Variants in CEP57L1 observed in about 807,000 individuals in gnomAD.
CEP57L1 encodes centrosomal protein CEP57L1.
CEP57L1 carries 37 observed loss-of-function variants against 61.0 expected under a neutral mutation model. That is an observed-to-expected ratio of 0.61 (90% confidence interval 0.47 to 0.80). The LOEUF (loss-of-function observed/expected upper bound fraction) is 0.80, where lower values mean the gene tolerates loss of function less well. Among genes scored for constraint, CEP57L1 ranks in the 30% least tolerant of loss-of-function variants. The probability of loss-of-function intolerance (pLI) is 0.00; values close to 1 mark genes in which losing one functional copy is unlikely to be tolerated. For missense variants in CEP57L1, 422 were observed against 524.7 expected, an observed-to-expected ratio of 0.80 and a Z score of 1.91; for synonymous variants, 137 against 162.3, an observed-to-expected ratio of 0.84 and a Z score of 1.19.
In CEP57L1 at chr6:109,172,227, C is replaced by T. The variant is rs1774437937; in HGVS notation, c.*9257C>T. On this transcript the variant is annotated 3_prime_UTR_variant, in exon 11 of 11. Transcript: ENST00000517392. The stretch of plus-strand genomic sequence containing the variant: ...TTCTCTCAGCAACAATGTGTGACAA[C>T]ATTCTTGGAGAATTGCTAACCAGGG... Among the ~76,000 whole-genome samples, 1 of 152,138 alleles carries T rather than the reference C, an allele frequency of 6.6e-6. No individual in the cohort carries two copies. Among genetic ancestry groups the T allele is most frequent in the Non-Finnish European group, 1.5e-5 (1 of 68,028 alleles).
Position 109,172,470 on chromosome 6 carries a change from G to A in CEP57L1, c.*9500G>A, listed in dbSNP as rs1162846284. 6.6e-6 allele frequency among the ~76,000 whole-genome samples: 1 copy of A among 152,162 alleles called. No individual in the cohort carries two copies. The highest frequency in any genetic ancestry group is 6.5e-5 in the Admixed American group (1 of 15,276). ...AAGTAAATTAAAACATTCATATCAG[G>A]CAGGATAGTCCAAGGACTTAGAGGT... On this transcript the variant is annotated 3_prime_UTR_variant, in exon 11 of 11. Coordinates refer to ENST00000517392, the MANE Select transcript of CEP57L1 (RefSeq NM_001271852.3).
rs1208376164 is a variant in CEP57L1 at position 109,166,790 on chromosome 6, A to G, written c.*3820A>G. ...GGAAGAGGCCAGTTGGTTATGCACA[A>G]TGGAAGGAGTGCATTGTGGACAGAA... On this transcript the variant is annotated 3_prime_UTR_variant, in exon 11 of 11. Transcript: ENST00000517392. Among the ~76,000 whole-genome samples the G allele has an allele frequency of 6.6e-6, 1 of 152,214 alleles. No homozygotes were observed. The highest frequency in any genetic ancestry group is 2.4e-5 in the African/African-American group (1 of 41,452).
intron 1 of CEP57L1, among the ~76,000 whole-genome samples, chr6:109,128,129 C>CT (rs1212746607): frequency 1.3e-5 from 2 of 152,122 alleles, no homozygotes; most frequent in Non-Finnish European, 2.9e-5. Context: ...TAGATCTAGC[C>CT]TAAATGCTCA....
intron 1 of CEP57L1, among the ~76,000 whole-genome samples, chr6:109,114,339 T>C (rs1472058662): frequency 6.6e-6 from 1 of 152,178 alleles, no homozygotes; most frequent in Non-Finnish European, 1.5e-5. Flanking sequence ...TATATATCTG[T>C]TGGCCATTTG....
At chr6:109,116,164 GTTAT>G (rs1772275372) in intron 1 of CEP57L1, among the ~76,000 whole-genome samples, 1 of 151,120 alleles carries the variant, frequency 6.6e-6, no homozygotes, top group Middle Eastern at 3.2e-3. Context: ...GTTATGTTAT[GTTAT>G]GTTATGTTAT....
At chr6:109,148,704 A>G (rs1772246754) in intron 3 of CEP57L1, among the ~76,000 whole-genome samples, 1 of 152,156 alleles carries the variant, frequency 6.6e-6, no homozygotes, top group South Asian at 2.1e-4. Context: ...ACTGACTTCC[A>G]CAATGGTTGA....
chr6:109,148,387 C>T (rs1002679431), intron 3 of CEP57L1, among the ~76,000 whole-genome samples: 204 of 151,912 alleles, frequency 1.3e-3, no homozygotes, highest in African/African-American at 4.6e-3. Context: ...TTTGTCCTTG[C>T]GATAGTTTAC....
chr6:109,170,355 A>G lies in CEP57L1; in HGVS notation c.*7385A>G, dbSNP rs1774343894. 1.3e-5 allele frequency among the ~76,000 whole-genome samples: 2 copies of G among 152,166 alleles called. No individual in the cohort carries two copies. The highest frequency in any genetic ancestry group is 1.3e-4 in the Admixed American group (2 of 15,276). On this transcript the variant is annotated 3_prime_UTR_variant, in exon 11 of 11. Transcript: ENST00000517392. ...CAACCTGACTTGGCTTAATGTAGTT[A>G]AGTAAATTTTAGGATAGGTTCTAAA...
chr6:109,098,243 G>A (rs1781950577), intron 1 of CEP57L1, among the ~76,000 whole-genome samples: 1 of 152,092 alleles, frequency 6.6e-6, no homozygotes, highest in South Asian at 2.1e-4. Flanking sequence ...CACCTCCCAA[G>A]TTTAAGTGAT....
At position 109,153,838 on chromosome 6, in the gene CEP57L1, G is replaced by A; in HGVS notation, c.468G>A (p.Gln156=). Reference sequence around the variant, plus strand: ...TTTATTTTTATCCTTTCTAGGCCCAGCTTCAGAGGGAAAAAGAACAAGATC... The same window carrying A: ...TTTATTTTTATCCTTTCTAGGCCCAACTTCAGAGGGAAAAAGAACAAGATC... ...EKNMILEQQA[Q]LQREKEQDQM... Residue 156 remains glutamine (Q), a synonymous_variant, in exon 5 of 11, where the codon CAG becomes CAA. Coordinates refer to ENST00000517392, the MANE Select transcript of CEP57L1 (RefSeq NM_001271852.3). 1.2e-6 allele frequency: 2 copies of A among 1,606,200 alleles called. No individual in the cohort carries two copies. The highest frequency in any genetic ancestry group is 1.7e-6 in the Non-Finnish European group (2 of 1,175,062).
rs138677560 is a variant in CEP57L1 at position 109,107,370 on chromosome 6, TTTCTC to T, written c.-4+11798_-4+11802del. 8.3e-3 allele frequency among the ~76,000 whole-genome samples: 1,258 copies of T among 152,260 alleles called. 23 individuals are homozygous for T. Among genetic ancestry groups the T allele is most frequent in the African/African-American group, 0.029 (1,208 of 41,550 alleles). ...TTTTGTGTGTAGGTTAGAGGAGAGTTTTCTCTTTCATATTAATCAGAACTTTTTAT... is the reference window on the plus strand; with the variant it reads ...TTTTGTGTGTAGGTTAGAGGAGAGTTTTTCATATTAATCAGAACTTTTTAT... On this transcript the variant is annotated intron_variant, in intron 1 of 10. Transcript: ENST00000517392.
chr6:109,163,083 T>A lies in CEP57L1; in HGVS notation c.*113T>A, dbSNP rs1773866160. 3 of 708,034 alleles carry A rather than the reference T, an allele frequency of 4.2e-6. No individual in the cohort carries two copies. The highest frequency in any genetic ancestry group is 6.0e-5 in the Admixed American group (2 of 33,282). The allele number at this position is 708,034 out of a possible 1,614,324, so 43.9% of individuals were successfully genotyped here. A position where few individuals can be genotyped will look rare whatever the true frequency, so the allele number is the denominator to read the frequency against. ...CATTTTGAATCATGTTTCTAGTTTC[T>A]ATAAAACATGAAGTTGCAGTATTTA... On this transcript the variant is annotated 3_prime_UTR_variant, in exon 11 of 11. Transcript: ENST00000517392.
chr6:109,116,454 G>C (rs989738959), intron 1 of CEP57L1, among the ~76,000 whole-genome samples: 2 of 152,192 alleles, frequency 1.3e-5, no homozygotes, highest in African/African-American at 4.8e-5. Context: ...TGGATTAAAG[G>C]AGTGAGCCAC....
chr6:109,108,933 A>G (rs1771248044), intron 1 of CEP57L1, among the ~76,000 whole-genome samples: 1 of 152,186 alleles, frequency 6.6e-6, no homozygotes, highest in Admixed American at 6.5e-5. Flanking sequence ...CAGACTGATT[A>G]TTTACTAAAT....
In CEP57L1 at chr6:109,150,209, G is replaced by T. The variant is rs765601953; in HGVS notation, c.432G>T (p.Glu144Asp). Residue 144 changes from glutamate (E) to aspartate (D), a missense_variant, in exon 4 of 11, where the codon GAG becomes GAT. Glu to Asp is a conservative substitution (Grantham distance 45). Transcript: ENST00000517392. ...EYTKRMVLNV[E>D]REKNMILEQQ... ...CAAAGAGAATGGTTCTCAACGTAGA[G>T]CGAGAAAAGAACATGATCCTAGAAC... is the stretch of plus-strand genomic sequence containing the variant. 1 of 1,605,076 alleles carries T rather than the reference G, an allele frequency of 6.2e-7. No individual in the cohort carries two copies. The highest frequency in any genetic ancestry group is 8.5e-7 in the Non-Finnish European group (1 of 1,172,338).
At chr6:109,158,994 T>C (rs956701069) in intron 7 of CEP57L1, 31 bp from the exon 8 acceptor site, 2 of 1,580,256 alleles carry the variant, frequency 1.3e-6, no homozygotes, top group African/African-American at 2.7e-5. Context: ...AAATAATTTC[T>C]TGTTTACGTT....
chr6:109,170,403 G>T lies in CEP57L1; in HGVS notation c.*7433G>T, dbSNP rs1237132031. Among the ~76,000 whole-genome samples, 1 of 152,080 alleles carries T rather than the reference G, an allele frequency of 6.6e-6. No individual in the cohort carries two copies. The highest frequency in any genetic ancestry group is 1.9e-4 in the East Asian group (1 of 5,190). On this transcript the variant is annotated 3_prime_UTR_variant, in exon 11 of 11. Coordinates refer to ENST00000517392, the MANE Select transcript of CEP57L1 (RefSeq NM_001271852.3). ...AAAAAACCTTGAGAGGCATTTTGTT[G>T]TTGTTGTTGTTGTTGTTAGTTTGCC...
intron 3 of CEP57L1, among the ~76,000 whole-genome samples, chr6:109,148,205 T>A (rs1772177143): frequency 6.6e-6 from 1 of 152,096 alleles, no homozygotes; most frequent in Non-Finnish European, 1.5e-5. Flanking sequence ...GCCATGCTGG[T>A]GTGCTGCACC....
chr6:109,109,697 ACCCCG>A (rs1771352237), intron 1 of CEP57L1, among the ~76,000 whole-genome samples: 2 of 152,010 alleles, frequency 1.3e-5, no homozygotes, highest in Non-Finnish European at 2.9e-5. Context: ...CTAGCACCAA[ACCCCG>A]TGACAGGCCC....
Sources: gnomAD v4.1 joint callset for allele counts (sites outside exome capture counted in the v4.1 genomes callset) on GRCh38, gnomAD v4.1.1 for gene constraint, MANE v1.5 for transcripts, NCBI Gene and HGNC (gene_info 2026-07-23, HGNC 2026-07-21) for gene names.